Variants in MRTFA observed in about 807,000 individuals in gnomAD.
MRTFA encodes the protein myocardin related transcription factor A, also known as myocardin-related transcription factor A.
Under a neutral mutation model 83.5 loss-of-function variants are expected in MRTFA, and 20 were observed. The observed-to-expected ratio is 0.24, with a 90% CI of 0.17 to 0.35. The LOEUF (loss-of-function observed/expected upper bound fraction) is 0.35. Ranked by LOEUF, MRTFA falls within the 10% of genes least tolerant of loss-of-function variation. The pLI, the probability that MRTFA is intolerant of heterozygous loss-of-function variation, is 1.00. For missense variants in MRTFA, 1,200 were observed against 1,224.7 expected (o/e 0.98, Z 0.30); for synonymous variants, 659 against 541.2 (o/e 1.22, Z -3.02).
At chr22:40,537,080 G>A (rs1159576921) in intron 3 of MRTFA, among the ~76,000 whole-genome samples, 2 of 49,984 alleles carry the variant, frequency 4.0e-5, no homozygotes, top group Non-Finnish European at 7.7e-5. Context: ...TCAGTCCCCC[G>A]CCTGGCCAGC....
chr22:40,426,780 A>G (rs2052963092), intron 7 of MRTFA, among the ~76,000 whole-genome samples: 1 of 152,128 alleles, frequency 6.6e-6, no homozygotes. Context: ...ACACACACAT[A>G]TCCATTGTTA....
chr22:40,554,099 C>A (rs573859519), intron 2 of MRTFA, among the ~76,000 whole-genome samples: 5 of 152,230 alleles, frequency 3.3e-5, no homozygotes, highest in Non-Finnish European at 5.9e-5. Context: ...ATGCCTGTAC[C>A]CCCCATTGTA....
At chr22:40,535,260 G>T (rs2055148140) in intron 3 of MRTFA, among the ~76,000 whole-genome samples, 1 of 152,028 alleles carries the variant, frequency 6.6e-6, no homozygotes, top group Non-Finnish European at 1.5e-5. Context: ...TAGCAACTAA[G>T]GGAAAAGCAT....
At chr22:40,552,793 G>GT (rs2055462469) in intron 2 of MRTFA, among the ~76,000 whole-genome samples, 1 of 152,202 alleles carries the variant, frequency 6.6e-6, no homozygotes, top group African/African-American at 2.4e-5. Flanking sequence ...TACTGATAGA[G>GT]TGGGATGCTG....
chr22:40,452,416 T>C (rs1468594792), intron 4 of MRTFA, among the ~76,000 whole-genome samples: 1 of 152,204 alleles, frequency 6.6e-6, no homozygotes, highest in Non-Finnish European at 1.5e-5. Flanking sequence ...TCTTTTACTC[T>C]TGATAAGAAG....
chr22:40,447,392 G>C (rs183320794), intron 4 of MRTFA, among the ~76,000 whole-genome samples: 80 of 151,566 alleles, frequency 5.3e-4, no homozygotes, highest in African/African-American at 1.9e-3. Flanking sequence ...CATTGGAGGA[G>C]AGATGTAAAA....
At chr22:40,623,318 CTT>C (rs133042) in intron 1 of MRTFA, among the ~76,000 whole-genome samples, 103 of 150,686 alleles carry the variant, frequency 6.8e-4, no homozygotes, top group African/African-American at 2.5e-3. Flanking sequence ...AGGATACTGT[CTT>C]TTTTTTTTAT....
At chr22:40,446,540 A>C (rs535136384) in intron 4 of MRTFA, among the ~76,000 whole-genome samples, 13 of 152,306 alleles carry the variant, frequency 8.5e-5, no homozygotes, top group African/African-American at 2.4e-4. Context: ...CAGAGGCAGG[A>C]GGGGAGGAGG....
At chr22:40,542,182 C>G (rs1391378445) in intron 3 of MRTFA, among the ~76,000 whole-genome samples, 6 of 152,002 alleles carry the variant, frequency 3.9e-5, no homozygotes, top group Non-Finnish European at 7.4e-5. Flanking sequence ...GACAATTTTC[C>G]CCAATAACCT....
chr22:40,612,865 T>A (rs1475830880), intron 1 of MRTFA, among the ~76,000 whole-genome samples: 1 of 152,154 alleles, frequency 6.6e-6, no homozygotes, highest in African/African-American at 2.4e-5. Context: ...GAGGATCACT[T>A]GAGCACAGGA....
At chr22:40,631,812 A>T (rs1239096473) in intron 1 of MRTFA, among the ~76,000 whole-genome samples, 1 of 152,164 alleles carries the variant, frequency 6.6e-6, no homozygotes, top group Non-Finnish European at 1.5e-5. Context: ...AAAGGAATTA[A>T]ATTTTTCCCA....
intron 10 of MRTFA, 104 bp downstream of exon 10, chr22:40,420,743 C>A: frequency 1.9e-6 from 3 of 1,559,744 alleles, no homozygotes; most frequent in Non-Finnish European, 2.6e-6. Flanking sequence ...TCCAGACCAG[C>A]GGGTCCTTAA....
chr22:40,580,420 A>G (rs1186451771), intron 2 of MRTFA, among the ~76,000 whole-genome samples: 1 of 152,088 alleles, frequency 6.6e-6, no homozygotes, highest in Non-Finnish European at 1.5e-5. Flanking sequence ...GCTGGTCTCA[A>G]ACTCCTAGCC....
rs765024912 is a variant in MRTFA, at chr22:40,411,364, T to TCCCCA, written c.*21_*25dup. On this transcript the variant is annotated 3_prime_UTR_variant, in exon 15 of 15. Coordinates refer to ENST00000355630, the MANE Select transcript of MRTFA (RefSeq NM_020831.6). ...TGGAGTACCCTGGCTCCCAGCCCCTTCCCCACCCCGTCTTGAGCCAGAGAG... is the reference window on the plus strand; with the variant it reads ...TGGAGTACCCTGGCTCCCAGCCCCTTCCCCACCCCACCCCGTCTTGAGCCAGAGAG... The TCCCCA allele has an allele frequency of 6.5e-7, 1 of 1,532,862 alleles. No individual in the cohort carries two copies. Among genetic ancestry groups the TCCCCA allele is most frequent in the East Asian group, 2.3e-5 (1 of 43,766 alleles). The allele number at this position is 1,532,862 out of a possible 1,614,324, so 95.0% of individuals were successfully genotyped here.
At chr22:40,508,235 C>T (rs973019785) in intron 3 of MRTFA, among the ~76,000 whole-genome samples, 7 of 151,976 alleles carry the variant, frequency 4.6e-5, no homozygotes, top group African/African-American at 1.4e-4. Flanking sequence ...ACGTGCTGGG[C>T]ACAGTGGCTC....
chr22:40,618,866 G>A (rs1273301106), intron 1 of MRTFA, among the ~76,000 whole-genome samples: 2 of 151,958 alleles, frequency 1.3e-5, no homozygotes, highest in African/African-American at 4.8e-5. Flanking sequence ...AGGTGGCTGG[G>A]GTGGGAGAAT....
chr22:40,546,099 C>T (rs968460553), intron 3 of MRTFA, among the ~76,000 whole-genome samples: 3 of 152,216 alleles, frequency 2.0e-5, no homozygotes, highest in Admixed American at 2.0e-4. Context: ...ACTCCACTCT[C>T]TCAACACACG....
At chr22:40,526,017 CTTTTT>C (rs879551118) in intron 3 of MRTFA, among the ~76,000 whole-genome samples, 1 of 143,842 alleles carries the variant, frequency 7.0e-6, no homozygotes, top group Admixed American at 7.0e-5. Context: ...AAAAAAGTAA[CTTTTT>C]TTTTTTTTTA....
intron 3 of MRTFA, among the ~76,000 whole-genome samples, chr22:40,463,689 CA>C (rs146389847): frequency 0.018 from 2,780 of 152,250 alleles, 77 homozygotes; most frequent in African/African-American, 0.064. Flanking sequence ...TGTTTACCAC[CA>C]TAAGTATAGT....
Sources: gnomAD v4.1 joint callset for allele counts (sites outside exome capture counted in the v4.1 genomes callset) on GRCh38, gnomAD v4.1.1 for gene constraint, MANE v1.5 for transcripts, NCBI Gene and HGNC (gene_info 2026-07-23, HGNC 2026-07-21) for gene names.